The following NBPF8 variants were observed in gnomAD, a reference collection of about 807,000 sequenced individuals.
NBPF8 encodes NBPF member 8, also known as NBPF family member NBPF8.
chr1:120,452,615 G>A lies in NBPF8; in HGVS notation n.2289+284G>A, dbSNP rs1306988023. 5.4e-4 allele frequency among the ~76,000 whole-genome samples: 83 copies of A among 152,382 alleles called. 1 individual carries two copies. The South Asian group carries it at 0.017, about 31-fold the overall frequency. ...GGACAGGAAGGAGGCTGCGATGGGA[G>A]CAGGCTTGTTAGAGTGAAAAGAGCT... On this transcript the variant is annotated intron_variant and non_coding_transcript_variant, in intron 13 of 24. Coordinates refer to ENST00000583271, the Ensembl canonical transcript of NBPF8.
upstream of NBPF8, chr1:120,436,272 A>G (rs1222043232): frequency 1.2e-5 from 10 of 846,728 alleles, no homozygotes; most frequent in East Asian, 2.6e-5. Flanking sequence ...CCTCACTCTT[A>G]TCAGAGTCTG....
chr1:120,449,628 G>A (rs1556606437), intron 11 of NBPF8, among the ~76,000 whole-genome samples: 1 of 152,142 alleles, frequency 6.6e-6, no homozygotes, highest in Admixed American at 6.5e-5. Context: ...GAGTTAAACT[G>A]CCATTTATTG....
intron 1 of NBPF8, among the ~76,000 whole-genome samples, chr1:120,424,388 A>T (rs1660651884): frequency 1.3e-5 from 2 of 152,066 alleles, no homozygotes; most frequent in Admixed American, 6.5e-5. Context: ...TCTGCTATTA[A>T]AATTGAGATG....
In NBPF8 at chr1:120,436,359, G is replaced by A; in HGVS notation, n.7G>A. The stretch of plus-strand genomic sequence containing the variant: ...TTGTGGTGAAGGATCCTAAAGTGCT[G>A]TGGGAGTGATCACATTTTTCACAAC... On this transcript the variant is annotated non_coding_transcript_exon_variant, in exon 1 of 25. In the 5' UTR this introduces an upstream ATG that the reference lacks. Coordinates refer to ENST00000583271, the Ensembl canonical transcript of NBPF8. 4 of 1,547,868 alleles carry A rather than the reference G, an allele frequency of 2.6e-6. No homozygotes were observed. Among genetic ancestry groups the A allele is most frequent in the Non-Finnish European group, 1.7e-6 (2 of 1,150,294 alleles).
rs1457769115 is a variant in NBPF8 at position 120,464,515 on chromosome 1, G to A, written n.3426G>A. ...TGGAAGTTCCTTTTATGCATTGGAGGAAAAACATGTTGGCTTTTCTCTTGA... is the reference window on the plus strand; with the variant it reads ...TGGAAGTTCCTTTTATGCATTGGAGAAAAAACATGTTGGCTTTTCTCTTGA... On this transcript the variant is annotated non_coding_transcript_exon_variant, in exon 23 of 25. Transcript: ENST00000583271. 1,275 of 1,030,192 alleles carry A rather than the reference G, an allele frequency of 1.2e-3. 4 individuals carry two copies. Among genetic ancestry groups the A allele is most frequent in the South Asian group, 2.1e-3 (170 of 79,734 alleles). 63.8% of individuals were successfully genotyped at this position (1,030,192 alleles called of 1,614,324 possible).
intron 1 of NBPF8, among the ~76,000 whole-genome samples, chr1:120,423,472 A>G (rs1660625632): frequency 9.6e-6 from 1 of 104,456 alleles, no homozygotes; most frequent in Non-Finnish European, 1.9e-5. Context: ...CTATGCATCT[A>G]TATGTGTGTG....
Position 120,465,972 on chromosome 1 carries a change from T to C in NBPF8, n.3569-6T>C. The C allele has an allele frequency of 6.2e-7, 1 of 1,611,888 alleles. No homozygotes were observed. The highest frequency in any genetic ancestry group is 1.3e-5 in the African/African-American group (1 of 74,990). ...GCTGCTTCTTTAGTTTTGTCTCCTT[T>C]TCCAGGCTCAACAGCGTGCTGATGG... is the stretch of plus-strand genomic sequence containing the variant. On this transcript the variant is annotated splice_polypyrimidine_tract_variant and splice_region_variant and intron_variant and non_coding_transcript_variant, in intron 24 of 24. Coordinates refer to ENST00000583271, the Ensembl canonical transcript of NBPF8.
At chr1:120,462,451 A>G (rs1553250404) in intron 20 of NBPF8, among the ~76,000 whole-genome samples, 2 of 144,590 alleles carry the variant, frequency 1.4e-5, no homozygotes, top group African/African-American at 5.1e-5. Flanking sequence ...GAGCAAGTTT[A>G]TGGAAAATTA....
Position 120,423,349 on chromosome 1 carries a change from G to A in NBPF8, n.270-2398G>A. 1.9e-5 allele frequency among the ~76,000 whole-genome samples: 2 copies of A among 107,454 alleles called. 1 individual carries two copies. Among genetic ancestry groups the A allele is most frequent in the Non-Finnish European group, 3.8e-5 (2 of 53,154 alleles). 70.5% of individuals were successfully genotyped at this position (107,454 alleles called of 152,430 possible). A position where few individuals can be genotyped will look rare whatever the true frequency, so the allele number is the denominator to read the frequency against. ...TTTTTTTGCATGTGGTTGTCCAGCTGTTCTAGCACCACTAGTTGGAAAGGC... is the reference window on the plus strand; with the variant it reads ...TTTTTTTGCATGTGGTTGTCCAGCTATTCTAGCACCACTAGTTGGAAAGGC... On this transcript the variant is annotated intron_variant and non_coding_transcript_variant, in intron 1 of 28. Coordinates refer to the NBPF8 transcript ENST00000652355.
intron 14 of NBPF8, 113 bp downstream of exon 12, chr1:120,453,557 C>T (rs1443921216): frequency 3.1e-6 from 3 of 973,388 alleles, no homozygotes; most frequent in Non-Finnish European, 4.9e-6. Flanking sequence ...TGCTTAGCCA[C>T]AGTATGTGAA....
chr1:120,424,007 G>T (rs1660641806), intron 1 of NBPF8, among the ~76,000 whole-genome samples: 1 of 151,852 alleles, frequency 6.6e-6, no homozygotes, highest in Non-Finnish European at 1.5e-5. Context: ...AATGATGTAA[G>T]TTGATTTATC....
At chr1:120,468,944 G>A (rs1661829439), downstream of NBPF8, among the ~76,000 whole-genome samples, 14 of 152,110 alleles carry the variant, frequency 9.2e-5, no homozygotes, top group Non-Finnish European at 1.8e-4. Flanking sequence ...TGGTGTTTAG[G>A]GGCAGGATTA....
At chr1:120,466,135 G>T in exon 25 of NBPF8, 3 of 1,610,528 alleles carry the variant, frequency 1.9e-6, no homozygotes, top group Non-Finnish European at 2.5e-6. Context: ...CATCAGCTTT[G>T]CCCTTGACAT....
chr1:120,434,527 C>A (rs1209578087), upstream of NBPF8, among the ~76,000 whole-genome samples: 2 of 149,456 alleles, frequency 1.3e-5, no homozygotes, highest in Non-Finnish European at 3.0e-5. Flanking sequence ...CCATGACAGG[C>A]CCTGGTGTGT....
intron 12 of NBPF8, 65 bp from the exon 11 acceptor site, chr1:120,452,052 T>C: frequency 1.4e-6 from 2 of 1,419,950 alleles, no homozygotes; most frequent in Non-Finnish European, 2.0e-6. Context: ...AAGTCTCTGT[T>C]GCAATATTTG....
At chr1:120,431,405 GACAC>G (rs1182956897), upstream of NBPF8, among the ~76,000 whole-genome samples, 2 of 52,220 alleles carry the variant, frequency 3.8e-5, no homozygotes, top group East Asian at 2.8e-4. Flanking sequence ...TATATATACA[GACAC>G]ACACACACAC....
intron 18 of NBPF8, among the ~76,000 whole-genome samples, chr1:120,461,013 GAA>G (rs1162606197): frequency 8.5e-5 from 9 of 105,264 alleles, no homozygotes; most frequent in African/African-American, 3.3e-4. Flanking sequence ...CACTGAGCTC[GAA>G]CTGTGTGTGT....
chr1:120,464,133 C>CTG (rs1169651864), intron 22 of NBPF8, among the ~76,000 whole-genome samples: 1,761 of 38,842 alleles, frequency 0.045, 142 homozygotes, highest in South Asian at 0.079. Context: ...CTCTCTCTCT[C>CTG]TGTGTGTGTG....
chr1:120,425,365 A>T (rs1322750875), intron 1 of NBPF8, among the ~76,000 whole-genome samples: 2 of 152,098 alleles, frequency 1.3e-5, no homozygotes, highest in African/African-American at 4.8e-5. Flanking sequence ...TGGCAGCAAT[A>T]CTGCTCTTTA....
Sources: gnomAD v4.1 joint callset for allele counts (sites outside exome capture counted in the v4.1 genomes callset) on GRCh38, gnomAD v4.1.1 for gene constraint, MANE v1.5 for transcripts, NCBI Gene and HGNC (gene_info 2026-07-23, HGNC 2026-07-21) for gene names.